SLC16A14: variants seen among roughly 807,000 people sequenced by gnomAD.
SLC16A14 encodes monocarboxylate transporter 14.
A neutral mutation model predicts 35.8 loss-of-function variants in SLC16A14; 14 were observed. The observed-to-expected ratio is 0.39, with a 90% CI of 0.26 to 0.61. SLC16A14 has a LOEUF of 0.61. Ranked by LOEUF, SLC16A14 falls within the 20% of genes least tolerant of loss-of-function variation. SLC16A14 has a pLI of 0.51. For missense variants in SLC16A14, 533 were observed against 655.0 expected (o/e 0.81, Z 2.03); for synonymous variants, 248 against 258.9 (o/e 0.96, Z 0.40).
chr2:230,045,434 C>T (rs1272767198), intron 4 of SLC16A14, among the ~76,000 whole-genome samples: 1 of 152,108 alleles, frequency 6.6e-6, no homozygotes, highest in Non-Finnish European at 1.5e-5. Flanking sequence ...GTGGTGCACA[C>T]CTGTAATTCC....
rs575463088 is a variant in SLC16A14, at chr2:230,044,736, G to GTGTA, written c.1381+1008_1381+1009insTACA. On this transcript the variant is annotated intron_variant, in intron 4 of 4. Coordinates refer to ENST00000295190, the MANE Select transcript of SLC16A14 (RefSeq NM_152527.5). ...TGTGTGTGTGTGTGTGTGTGTGTGT[G>GTGTA]TATGTGTGTGTGTGTGTGTGTGTGT... 8.4e-3 allele frequency among the ~76,000 whole-genome samples: 902 copies of GTGTA among 107,078 alleles called. 10 individuals carry two copies. The highest frequency in any genetic ancestry group is 0.054 in the East Asian group (194 of 3,582). The allele number at this position is 107,078 out of a possible 152,430, so 70.2% of individuals were successfully genotyped here.
At chr2:230,039,873 G>A (rs568178022) in intron 4 of SLC16A14, among the ~76,000 whole-genome samples, 58 of 152,134 alleles carry the variant, frequency 3.8e-4, no homozygotes, top group Non-Finnish European at 6.5e-4. Flanking sequence ...ATCCTACCTG[G>A]CTGGAAAATT....
chr2:230,067,571 T>TCTCTCTCTCTCACA (rs1269765776), intron 1 of SLC16A14, among the ~76,000 whole-genome samples: 7 of 143,832 alleles, frequency 4.9e-5, no homozygotes, highest in African/African-American at 1.7e-4. Flanking sequence ...TCTCTCTCTC[T>TCTCTCTCTCTCACA]CACACACACA....
At chr2:230,054,131 A>G (rs1257138183) in intron 2 of SLC16A14, among the ~76,000 whole-genome samples, 1 of 152,072 alleles carries the variant, frequency 6.6e-6, no homozygotes, top group East Asian at 1.9e-4. Context: ...ATGTGCAATC[A>G]AGATTGACAA....
chr2:230,066,554 AATAACAG>A (rs1249543422), intron 1 of SLC16A14: 1 of 383,644 alleles, frequency 2.6e-6, no homozygotes, highest in African/African-American at 2.1e-5. Context: ...CAGAAATGAA[AATAACAG>A]ATCCTTCTAG....
chr2:230,040,055 T>C (rs78398516), intron 4 of SLC16A14, among the ~76,000 whole-genome samples: 8,738 of 152,184 alleles, frequency 0.057, 315 homozygotes, highest in Middle Eastern at 0.082. Context: ...TGTCTGAACA[T>C]GTCCTGTTCC....
chr2:230,039,730 T>C (rs890208009), intron 4 of SLC16A14, among the ~76,000 whole-genome samples: 1 of 152,240 alleles, frequency 6.6e-6, no homozygotes, highest in Admixed American at 6.5e-5. Flanking sequence ...AAATCCCCGC[T>C]GTCCACATGA....
At position 230,059,245 on chromosome 2, in the gene SLC16A14, C is replaced by G; in HGVS notation, c.108G>C (p.Met36Ile). 1 of 1,614,188 alleles carries G rather than the reference C, an allele frequency of 6.2e-7. No homozygotes were observed. The highest frequency in any genetic ancestry group is 1.1e-5 in the South Asian group (1 of 91,072). Residue 36 changes from methionine (M) to isoleucine (I), a missense_variant, in exon 2 of 5, where the codon ATG (methionine) becomes ATC (isoleucine). Met to Ile is a conservative substitution (Grantham distance 10). Coordinates refer to ENST00000295190, the MANE Select transcript of SLC16A14 (RefSeq NM_152527.5). ...TGTGCACAAAGAAAGAGGAGAGCAC[C>G]ATCATCCAAGCCCATCCGCCATCAA... is the stretch of plus-strand genomic sequence containing the variant. ...PNIDGGWAWM[M>I]VLSSFFVHIL...
chr2:230,066,918 C>G (rs2077801368), intron 1 of SLC16A14, among the ~76,000 whole-genome samples: 1 of 152,320 alleles, frequency 6.6e-6, no homozygotes, highest in African/African-American at 2.4e-5. Context: ...TGAGCCACCG[C>G]GCTGGGCCAA....
rs2077611969 is a variant in SLC16A14, at chr2:230,046,734, G to A, written c.404-12C>T. On this transcript the variant is annotated splice_polypyrimidine_tract_variant and intron_variant, in intron 3 of 4. Coordinates refer to ENST00000295190, the MANE Select transcript of SLC16A14 (RefSeq NM_152527.5). The surrounding 1 kb of genome is among the most constrained non-coding windows in gnomAD (Gnocchi z 5.0). ...CCCGCTGCCCAGGCCTGTACAGGCC[G>A]ACGGGGGGAAGAAAAGACACAGTGC... 6.4e-7 allele frequency: 1 copy of A among 1,573,382 alleles called. No homozygotes were observed. Among genetic ancestry groups the A allele is most frequent in the African/African-American group, 1.3e-5 (1 of 74,250 alleles).
chr2:230,039,404 G>A (rs2077542271), intron 4 of SLC16A14, among the ~76,000 whole-genome samples: 1 of 152,004 alleles, frequency 6.6e-6, no homozygotes, highest in Non-Finnish European at 1.5e-5. Context: ...GGAGACAAGG[G>A]GGACAAAAAA....
chr2:230,067,571 T>TCTCTCTCTCTCTCTCTCA (rs1269765776), intron 1 of SLC16A14, among the ~76,000 whole-genome samples: 60 of 143,792 alleles, frequency 4.2e-4, no homozygotes, highest in African/African-American at 1.6e-3. Context: ...TCTCTCTCTC[T>TCTCTCTCTCTCTCTCTCA]CACACACACA....
chr2:230,046,397 C>G lies in SLC16A14; in HGVS notation c.729G>C (p.Gln243His), dbSNP rs373497817. Residue 243 changes from glutamine to histidine, a missense_variant, in exon 4 of 5, where the codon CAG becomes CAC. Coordinates refer to ENST00000295190, the MANE Select transcript of SLC16A14 (RefSeq NM_152527.5). The surrounding 1 kb of genome is among the most constrained non-coding windows in gnomAD (Gnocchi z 5.0). Reference protein sequence around the residue: ...STESVKSTGQQGRTEEKDGGL... With the variant: ...STESVKSTGQHGRTEEKDGGL... The stretch of plus-strand genomic sequence containing the variant: ...CACCATCCTTCTCTTCTGTTCTTCC[C>G]TGCTGTCCAGTTGACTTCACAGATT... The G allele has an allele frequency of 1.2e-5, 20 of 1,614,226 alleles. No homozygotes were observed. In the African/African-American group the frequency reaches 2.7e-4, roughly 22 times the overall value.
At chr2:230,044,697 TCTG>T (rs796618311) in intron 4 of SLC16A14, among the ~76,000 whole-genome samples, 2 of 148,216 alleles carry the variant, frequency 1.3e-5, no homozygotes, top group African/African-American at 5.0e-5. Context: ...AGATAATAAG[TCTG>T]TATTTGTGTG....
rs145179402 is a variant in SLC16A14 at position 230,067,534 on chromosome 2, T to TTC, written c.-15+1019_-15+1020dup. ...CCCAACACTGCCTCTCTCCCCTCTC[T>TTC]TCTCTCTCTCTCTCTCTCTCTCTCT... On this transcript the variant is annotated intron_variant, in intron 1 of 4. Coordinates refer to ENST00000295190, the MANE Select transcript of SLC16A14 (RefSeq NM_152527.5). Among the ~76,000 whole-genome samples the TTC allele has an allele frequency of 1.5e-3, 190 of 128,438 alleles. 1 individual carries two copies. Among genetic ancestry groups the TTC allele is most frequent in the African/African-American group, 5.0e-3 (158 of 31,352 alleles). The allele number at this position is 128,438 out of a possible 152,430, so 84.3% of individuals were successfully genotyped here.
intron 1 of SLC16A14, among the ~76,000 whole-genome samples, chr2:230,061,130 C>T (rs774231855): frequency 5.9e-5 from 9 of 152,096 alleles, no homozygotes; most frequent in Admixed American, 1.3e-4. Context: ...CACTCTGCCC[C>T]GGAGCTTGCA....
chr2:230,050,823 C>T (rs2077654077), intron 2 of SLC16A14, among the ~76,000 whole-genome samples: 2 of 152,204 alleles, frequency 1.3e-5, no homozygotes, highest in South Asian at 4.1e-4. Context: ...GTAAACTAAG[C>T]TCTCTTCATT....
chr2:230,052,174 A>T (rs1466131372), intron 2 of SLC16A14, among the ~76,000 whole-genome samples: 1 of 152,160 alleles, frequency 6.6e-6, no homozygotes, highest in Admixed American at 6.5e-5. Context: ...TGACCTCGTG[A>T]TCCGCCCGTC....
chr2:230,045,905 G>A lies in SLC16A14; in HGVS notation c.1221C>T (p.Gly407=), dbSNP rs768060233. 2.5e-6 allele frequency: 4 copies of A among 1,612,480 alleles called. No homozygotes were observed. In the South Asian group the frequency reaches 4.4e-5, roughly 18 times the overall value. The change falls in exon 4 of 5, where the codon GGC becomes GGT. Residue 407 remains glycine, a synonymous_variant. Transcript: ENST00000295190. Reference sequence around the variant, plus strand: ...CTATCAGCGCACAGATGACCGCCAGGCCAGCGTACGTGTGCATCAACGGCA... The same window carrying A: ...CTATCAGCGCACAGATGACCGCCAGACCAGCGTACGTGTGCATCAACGGCA... ...FILPLMHTYA[G]LAVICALIGF... is the part of the protein sequence containing the mutation.
Sources: gnomAD v4.1 joint callset for allele counts (sites outside exome capture counted in the v4.1 genomes callset) on GRCh38, gnomAD v4.1.1 for gene constraint, Gnocchi (gnomAD v3.1) non-coding constraint, MANE v1.5 for transcripts, NCBI Gene and HGNC (gene_info 2026-07-23, HGNC 2026-07-21) for gene names.